Variants in SHROOM2 observed in about 807,000 individuals in gnomAD.
SHROOM2 encodes the protein shroom family member 2.
Under a neutral mutation model 75.9 loss-of-function variants are expected in SHROOM2, and 33 were observed. The ratio of observed to expected loss-of-function variants is 0.43; its 90% confidence interval spans 0.33 to 0.58. The LOEUF (loss-of-function observed/expected upper bound fraction) is 0.58, where lower values mean the gene tolerates loss of function less well. Ranked by LOEUF, SHROOM2 falls within the 20% of genes least tolerant of loss-of-function variation. SHROOM2 has a pLI of 0.04. For synonymous variants in SHROOM2, 655 were observed against 663.6 expected, an observed-to-expected ratio of 0.99 and a Z score of 0.20; for missense variants, 1,434 against 1,461.2, an observed-to-expected ratio of 0.98 and a Z score of 0.30.
chrX:9,790,294 C>T (rs764031171), intron 1 of SHROOM2, among the ~76,000 whole-genome samples: 4 of 111,829 alleles, frequency 3.6e-5, no homozygotes, highest in African/African-American at 1.3e-4. Context: ...ACCCGAGGAC[C>T]GGGGAGATCA....
intron 1 of SHROOM2, among the ~76,000 whole-genome samples, chrX:9,816,076 A>G (rs2083819868): frequency 8.9e-6 from 1 of 112,428 alleles, no homozygotes; most frequent in Non-Finnish European, 1.9e-5. Flanking sequence ...TTATCTCAGT[A>G]TAATGTTTGG....
intron 1 of SHROOM2, among the ~76,000 whole-genome samples, chrX:9,848,507 T>A: frequency 1.3e-4 from 1 of 7,673 alleles, no homozygotes; most frequent in Non-Finnish European, 2.3e-4. Flanking sequence ...CGAGACTCCG[T>A]CTCAAAAAAA....
At chrX:9,791,624 A>G (rs1601905115) in intron 1 of SHROOM2, among the ~76,000 whole-genome samples, 1 of 112,082 alleles carries the variant, frequency 8.9e-6, no homozygotes, top group African/African-American at 3.2e-5. Flanking sequence ...TACACATGCA[A>G]GCCGAAAACT....
intron 5 of SHROOM2, among the ~76,000 whole-genome samples, chrX:9,921,312 T>G (rs1339187110): frequency 8.9e-6 from 1 of 112,109 alleles, no homozygotes; most frequent in African/African-American, 3.2e-5. Context: ...TGAGGTATAA[T>G]TGACATATAA....
chrX:9,894,489 A>G lies in SHROOM2; in HGVS notation c.581A>G (p.Asn194Ser), dbSNP rs2084312227. The G allele has an allele frequency of 8.3e-7, 1 of 1,206,456 alleles. No homozygotes were observed. Among genetic ancestry groups the G allele is most frequent in the East Asian group, 3.0e-5 (1 of 33,691 alleles). The change falls in exon 4 of 10, where the codon AAC (asparagine) becomes AGC (serine). Residue 194 changes from asparagine (N) to serine (S), a missense_variant. Transcript: ENST00000380913. Reference protein sequence around the residue: ...PSSRLSVAKSNSSIDHLGSHS... With the variant: ...PSSRLSVAKSSSSIDHLGSHS... ...AGTCGCCTCTCGGTGGCCAAGTCCA[A>G]CAGCAGCATCGACCACCTGGGCAGC... is the stretch of plus-strand genomic sequence containing the variant.
At chrX:9,944,202 A>G (rs2084796366) in intron 8 of SHROOM2, among the ~76,000 whole-genome samples, 1 of 112,122 alleles carries the variant, frequency 8.9e-6, no homozygotes, top group Admixed American at 9.5e-5. Context: ...GACAATAATT[A>G]TATGTACAGG....
intron 5 of SHROOM2, among the ~76,000 whole-genome samples, chrX:9,931,240 C>T (rs1344901465): frequency 9.1e-6 from 1 of 109,852 alleles, no homozygotes. Context: ...GCTGCCCTCC[C>T]AACACTTTGG....
At chrX:9,792,059 T>G (rs1240287003) in intron 1 of SHROOM2, among the ~76,000 whole-genome samples, 4 of 19,887 alleles carry the variant, frequency 2.0e-4, no homozygotes, top group East Asian at 1.6e-3. Context: ...TAGAATAGAA[T>G]AGAATAGAAT....
At chrX:9,811,552 A>G (rs1384922098) in intron 1 of SHROOM2, among the ~76,000 whole-genome samples, 6 of 111,511 alleles carry the variant, frequency 5.4e-5, no homozygotes, top group African/African-American at 2.0e-4. Flanking sequence ...CAATTTTCCA[A>G]TCATGCTTCT....
At chrX:9,857,005 T>A (rs2084074534) in intron 1 of SHROOM2, among the ~76,000 whole-genome samples, 1 of 112,263 alleles carries the variant, frequency 8.9e-6, no homozygotes, top group South Asian at 3.6e-4. Context: ...GATCCTCTGA[T>A]ATTAGTAATG....
intron 2 of SHROOM2, among the ~76,000 whole-genome samples, chrX:9,874,169 TAGAA>T (rs1490041976): frequency 1.8e-5 from 2 of 111,840 alleles, no homozygotes. Flanking sequence ...GTTTTCATGC[TAGAA>T]AGAGAGTGAC....
chrX:9,915,160 C>G (rs2084478266), intron 5 of SHROOM2, among the ~76,000 whole-genome samples: 1 of 111,355 alleles, frequency 9.0e-6, no homozygotes, highest in Admixed American at 9.6e-5. Flanking sequence ...TTATGTTTAC[C>G]ATTACCTTGA....
chrX:9,878,524 G>T (rs1367287719), intron 2 of SHROOM2, among the ~76,000 whole-genome samples: 2 of 111,967 alleles, frequency 1.8e-5, no homozygotes, highest in South Asian at 7.3e-4. Flanking sequence ...CATGCGTCCC[G>T]TCTTGGGCAT....
At chrX:9,930,830 C>T (rs1602012698) in intron 5 of SHROOM2, among the ~76,000 whole-genome samples, 1 of 110,672 alleles carries the variant, frequency 9.0e-6, no homozygotes, top group East Asian at 2.9e-4. Flanking sequence ...GCAACCTCCA[C>T]CTCCCAGGTT....
intron 1 of SHROOM2, among the ~76,000 whole-genome samples, chrX:9,788,556 C>T (rs1327336845): frequency 9.0e-6 from 1 of 111,224 alleles, no homozygotes; most frequent in Non-Finnish European, 1.9e-5. Flanking sequence ...GTGGCCCAGG[C>T]AGGGCAAATG....
chrX:9,806,056 A>G (rs1375975792), intron 1 of SHROOM2, among the ~76,000 whole-genome samples: 2 of 111,187 alleles, frequency 1.8e-5, no homozygotes, highest in African/African-American at 6.5e-5. Context: ...ACCAGGAAGT[A>G]GGTCCACAGC....
chrX:9,808,347 C>G (rs1444892239), intron 1 of SHROOM2, among the ~76,000 whole-genome samples: 1 of 99,088 alleles, frequency 1.0e-5, no homozygotes, highest in Non-Finnish European at 2.0e-5. Context: ...AGTTCGAGAC[C>G]AGACTGGGCA....
At chrX:9,940,406 G>A (rs1235250625) in intron 8 of SHROOM2, among the ~76,000 whole-genome samples, 1 of 111,764 alleles carries the variant, frequency 8.9e-6, no homozygotes, top group African/African-American at 3.3e-5. Context: ...GCCCTCATCT[G>A]TGGGGCACTC....
At chrX:9,946,304 G>A (rs138969421) in intron 9 of SHROOM2, among the ~76,000 whole-genome samples, 1 of 113,254 alleles carries the variant, frequency 8.8e-6, no homozygotes, top group Non-Finnish European at 1.9e-5. Context: ...TTGACGCCAA[G>A]AGGGCCCCGC....
Sources: gnomAD v4.1 joint callset for allele counts (sites outside exome capture counted in the v4.1 genomes callset) on GRCh38, gnomAD v4.1.1 for gene constraint, MANE v1.5 for transcripts, NCBI Gene and HGNC (gene_info 2026-07-23, HGNC 2026-07-21) for gene names.